The following ZFHX3 variants were observed in gnomAD, a reference collection of about 807,000 sequenced individuals.
The protein encoded by ZFHX3 is zinc finger homeobox protein 3.
Under a neutral mutation model 279.1 loss-of-function variants are expected in ZFHX3, and 42 were observed. The observed-to-expected ratio is 0.15, with a 90% CI of 0.12 to 0.19. The LOEUF (loss-of-function observed/expected upper bound fraction) is 0.19, where lower values mean the gene tolerates loss of function less well. ZFHX3 is among the 10% of genes least tolerant of loss of function. The probability of loss-of-function intolerance (pLI) is 1.00; values close to 1 mark genes in which losing one functional copy is unlikely to be tolerated. For synonymous variants in ZFHX3, 2,293 were observed against 1,957.8 expected (o/e 1.17, Z -4.52); for missense variants, 4,981 against 4,754.0 (o/e 1.05, Z -1.40).
chr16:73,682,886 G>GAAAGAAAGA lies in ZFHX3; in HGVS notation c.-1607-2655_-1607-2647dup, dbSNP rs1567550491. Reference sequence around the variant, plus strand: ...AGAAAGAAAGAAAGAAAGAAAGAAAGAAAGAAAGAAAGAAAGAAAGAGAAA... The same window carrying GAAAGAAAGA: ...AGAAAGAAAGAAAGAAAGAAAGAAAGAAAGAAAGAAAAGAAAGAAAGAAAGAAAGAGAAA... On this transcript the variant is annotated intron_variant, in intron 1 of 17. Transcript: ENST00000641206. Among the ~76,000 whole-genome samples, 34 of 61,320 alleles carry GAAAGAAAGA rather than the reference G, an allele frequency of 5.5e-4. 1 individual carries two copies. The highest frequency in any genetic ancestry group is 7.6e-3 in the Middle Eastern group (1 of 132). The allele number at this position is 61,320 out of a possible 152,430, so 40.2% of individuals were successfully genotyped here.
chr16:72,963,894 C>A (rs1451141452), intron 1 of ZFHX3, among the ~76,000 whole-genome samples: 1 of 152,140 alleles, frequency 6.6e-6, no homozygotes, highest in Non-Finnish European at 1.5e-5. Flanking sequence ...TTAATTAGCA[C>A]AGGGTTAATT....
intron 4 of ZFHX3, among the ~76,000 whole-genome samples, chr16:73,258,226 T>C (rs892385853): frequency 1.3e-5 from 2 of 152,126 alleles, no homozygotes; most frequent in African/African-American, 4.8e-5. Context: ...GGTCCAGAGA[T>C]GTTAAGGGAA....
At chr16:73,649,201 A>C (rs1597046771) in intron 2 of ZFHX3, among the ~76,000 whole-genome samples, 1 of 152,362 alleles carries the variant, frequency 6.6e-6, no homozygotes, top group African/African-American at 2.4e-5. Flanking sequence ...GAGTTACTGC[A>C]TAATATTAGA....
At chr16:73,064,894 C>T (rs571592460) in intron 8 of ZFHX3, among the ~76,000 whole-genome samples, 1 of 152,356 alleles carries the variant, frequency 6.6e-6, no homozygotes, top group African/African-American at 2.4e-5. Context: ...CGCCTGACTT[C>T]CCTTTTGGTG....
At chr16:73,777,761 T>C (rs1159620977) in intron 1 of ZFHX3, among the ~76,000 whole-genome samples, 2 of 152,172 alleles carry the variant, frequency 1.3e-5, no homozygotes, top group African/African-American at 4.8e-5. Flanking sequence ...CTGGGTGACA[T>C]GTTATCTCCA....
intron 3 of ZFHX3, among the ~76,000 whole-genome samples, chr16:73,366,731 T>A (rs1319112885): frequency 1.3e-5 from 2 of 152,164 alleles, no homozygotes; most frequent in Non-Finnish European, 2.9e-5. Flanking sequence ...TGTGTGTGTG[T>A]GCGTGCACAC....
rs1286758771 is a variant in ZFHX3, at chr16:72,811,962, T to G, written c.3606A>C (p.Ser1202=). 4 of 1,614,074 alleles carry G rather than the reference T, an allele frequency of 2.5e-6. No homozygotes were observed. The highest frequency in any genetic ancestry group is 3.4e-6 in the Non-Finnish European group (4 of 1,180,030). ...GTCGCTTCGAAGAGAGGGGAGACTC[T>G]GAGCTACCTGGGAAGGAGATGCGTT... is the stretch of plus-strand genomic sequence containing the variant. ...TSKRISFPGS[S]ESPLSSKRPK... is the part of the protein sequence containing the mutation. Residue 1202 remains serine, a synonymous_variant, in exon 6 of 10, where the codon TCA becomes TCC. Coordinates refer to ENST00000268489, the MANE Select transcript of ZFHX3 (RefSeq NM_006885.4).
At chr16:72,900,081 T>G (rs1222175757) in intron 3 of ZFHX3, among the ~76,000 whole-genome samples, 2 of 130,820 alleles carry the variant, frequency 1.5e-5, no homozygotes, top group Non-Finnish European at 3.0e-5. Context: ...CTTGCCAAAG[T>G]CAGGCTGTTG....
chr16:73,378,507 C>T (rs999861379), intron 3 of ZFHX3, among the ~76,000 whole-genome samples: 3 of 152,042 alleles, frequency 2.0e-5, no homozygotes, highest in Non-Finnish European at 4.4e-5. Flanking sequence ...TTTCGCTGTT[C>T]TAAGAAATTC....
At chr16:73,634,739 G>C (rs1172240788) in intron 2 of ZFHX3, among the ~76,000 whole-genome samples, 1 of 152,074 alleles carries the variant, frequency 6.6e-6, no homozygotes, top group Non-Finnish European at 1.5e-5. Flanking sequence ...GAGGAAGCAA[G>C]ACCTTCCAAG....
intron 2 of ZFHX3, among the ~76,000 whole-genome samples, chr16:73,544,183 GT>G (rs1313130646): frequency 6.6e-6 from 1 of 151,830 alleles, no homozygotes; most frequent in African/African-American, 2.4e-5. Context: ...TAGGACCTGG[GT>G]TAGGGAGAGG....
intron 1 of ZFHX3, among the ~76,000 whole-genome samples, chr16:73,702,455 AG>A (rs1315774913): frequency 6.6e-6 from 1 of 152,224 alleles, no homozygotes; most frequent in African/African-American, 2.4e-5. Flanking sequence ...CAGGTAAACA[AG>A]AGCAAAGAAC....
chr16:73,522,003 G>T (rs965176238), intron 2 of ZFHX3, among the ~76,000 whole-genome samples: 13 of 152,132 alleles, frequency 8.5e-5, no homozygotes, highest in African/African-American at 3.1e-4. Context: ...TAGCAAGTTT[G>T]CATGGCAGCC....
At chr16:73,098,292 A>T (rs1297319657) in intron 7 of ZFHX3, among the ~76,000 whole-genome samples, 1 of 151,576 alleles carries the variant, frequency 6.6e-6, no homozygotes, top group African/African-American at 2.4e-5. Flanking sequence ...CTGGTCTCGA[A>T]CTCCTGACCT....
intron 2 of ZFHX3, among the ~76,000 whole-genome samples, chr16:73,587,134 A>G (rs1469984151): frequency 1.3e-5 from 2 of 152,196 alleles, no homozygotes; most frequent in African/African-American, 4.8e-5. Context: ...TGGCTCTCAA[A>G]GGCCTGGGAG....
chr16:73,710,123 C>G (rs2053344338), intron 1 of ZFHX3, among the ~76,000 whole-genome samples: 1 of 152,160 alleles, frequency 6.6e-6, no homozygotes. Context: ...GTGGACGTTG[C>G]AGTGAGTTGT....
intron 8 of ZFHX3, among the ~76,000 whole-genome samples, chr16:73,075,448 T>C (rs1965877323): frequency 1.3e-5 from 2 of 152,108 alleles, no homozygotes; most frequent in African/African-American, 4.8e-5. Flanking sequence ...AAAATATGAT[T>C]TAGTACCTAA....
intron 1 of ZFHX3, among the ~76,000 whole-genome samples, chr16:73,691,841 G>C (rs1714504170): frequency 6.6e-6 from 1 of 152,184 alleles, no homozygotes; most frequent in African/African-American, 2.4e-5. Flanking sequence ...TTGAGATACT[G>C]ATTCATTGAT....
In ZFHX3 at chr16:73,544,901, T is replaced by C. The variant is rs560346010; in HGVS notation, c.-1546-88643A>G. The stretch of plus-strand genomic sequence containing the variant: ...GAGGATCCAAATGAGAATAAAAAGA[T>C]ACTAAAGTGCTAGTCGTGCCAAGTC... On this transcript the variant is annotated intron_variant, in intron 2 of 17. Transcript: ENST00000641206. Among the ~76,000 whole-genome samples the C allele has an allele frequency of 3.3e-5, 5 of 152,276 alleles. No homozygotes were observed. In the East Asian group the frequency reaches 9.7e-4, roughly 29 times the overall value.
Sources: allele counts gnomAD v4.1 joint callset (sites outside exome capture counted in the v4.1 genomes callset), GRCh38; gene constraint gnomAD v4.1.1; transcripts MANE v1.5; gene names NCBI Gene and HGNC (gene_info 2026-07-23, HGNC 2026-07-21).